Variants in FREM3 observed in about 807,000 individuals in gnomAD.
FREM3 encodes the protein FRAS1 related extracellular matrix 3, also known as FRAS1-related extracellular matrix protein 3.
A neutral mutation model predicts 129.1 loss-of-function variants in FREM3; 105 were observed. The observed-to-expected ratio is 0.81, with a 90% CI of 0.69 to 0.96. FREM3 has a LOEUF of 0.96. FREM3 is among the 40% of genes least tolerant of loss of function. The pLI, the probability that FREM3 is intolerant of heterozygous loss-of-function variation, is 0.00. For synonymous variants in FREM3, 1,014 were observed against 1,044.9 expected (o/e 0.97, Z 0.57); for missense variants, 2,593 against 2,666.3 (o/e 0.97, Z 0.61).
intron 2 of FREM3, among the ~76,000 whole-genome samples, chr4:143,678,635 A>T (rs1381967931): frequency 2.0e-5 from 3 of 152,140 alleles, no homozygotes; most frequent in African/African-American, 7.2e-5. Flanking sequence ...AGATTCAAAT[A>T]TCCAGGTTAA....
intron 2 of FREM3, among the ~76,000 whole-genome samples, chr4:143,671,595 T>A (rs918339161): frequency 6.6e-6 from 1 of 152,316 alleles, no homozygotes; most frequent in Admixed American, 6.5e-5. Context: ...GTACTAAAAT[T>A]CTCATTTTAT....
intron 2 of FREM3, among the ~76,000 whole-genome samples, chr4:143,645,540 G>T (rs1739398851): frequency 6.6e-6 from 1 of 152,152 alleles, no homozygotes; most frequent in South Asian, 2.1e-4. Flanking sequence ...AAAGACTAAG[G>T]TTTCCCCAGT....
intron 6 of FREM3, among the ~76,000 whole-genome samples, chr4:143,592,359 G>A (rs1738380272): frequency 6.6e-6 from 1 of 152,206 alleles, no homozygotes; most frequent in African/African-American, 2.4e-5. Flanking sequence ...AATTTGGCAT[G>A]TTTTTGCAGT....
intron 6 of FREM3, among the ~76,000 whole-genome samples, chr4:143,594,089 A>G (rs1738419239): frequency 6.6e-6 from 1 of 152,166 alleles, no homozygotes; most frequent in Admixed American, 6.5e-5. Flanking sequence ...GTGCAGTAGT[A>G]GGGTGGGAGT....
intron 2 of FREM3, among the ~76,000 whole-genome samples, chr4:143,646,267 A>G (rs1450486603): frequency 6.6e-6 from 1 of 152,258 alleles, no homozygotes; most frequent in Non-Finnish European, 1.5e-5. Flanking sequence ...ATTCATTCAA[A>G]GATCCTTCAG....
chr4:143,588,978 A>G (rs1738301124), intron 6 of FREM3, among the ~76,000 whole-genome samples: 1 of 151,692 alleles, frequency 6.6e-6, no homozygotes, highest in African/African-American at 2.4e-5. Context: ...TTTGATTTGC[A>G]TTTCTCTGAT....
In FREM3 at chr4:143,700,628, A is replaced by G. The variant is rs1490173427; in HGVS notation, c.48T>C (p.Leu16=). ...RHPTGTPRQL[L]VALACLLLSR... ...TCAAGAGCAGGCAGGCGAGCGCCACAAGGAGCTGCCGGGGCGTCCCAGTCG... is the reference window on the plus strand; with the variant it reads ...TCAAGAGCAGGCAGGCGAGCGCCACGAGGAGCTGCCGGGGCGTCCCAGTCG... Residue 16 remains leucine, a synonymous_variant, in exon 1 of 8, where the codon CTT becomes CTC. Coordinates refer to ENST00000329798, the MANE Select transcript of FREM3 (RefSeq NM_001168235.2). The G allele has an allele frequency of 2.1e-6, 3 of 1,443,746 alleles. No homozygotes were observed. Among genetic ancestry groups the G allele is most frequent in the South Asian group, 2.9e-5 (2 of 69,590 alleles). 89.4% of individuals were successfully genotyped at this position (1,443,746 alleles called of 1,614,324 possible). A position where few individuals can be genotyped will look rare whatever the true frequency, so the allele number is the denominator to read the frequency against.
chr4:143,635,650 A>G (rs1739221322), intron 2 of FREM3, among the ~76,000 whole-genome samples: 1 of 152,210 alleles, frequency 6.6e-6, no homozygotes, highest in African/African-American at 2.4e-5. Context: ...ATTTTACTGA[A>G]TCTGATACAA....
intron 2 of FREM3, among the ~76,000 whole-genome samples, chr4:143,643,874 C>A (rs1320609879): frequency 6.6e-6 from 1 of 152,064 alleles, no homozygotes; most frequent in Non-Finnish European, 1.5e-5. Flanking sequence ...CGGTAATTAC[C>A]TTGATTCGAT....
Position 143,585,931 on chromosome 4 carries a change from C to T in FREM3, c.6091G>A (p.Val2031Ile). 1.3e-6 allele frequency: 2 copies of T among 1,537,518 alleles called. No individual in the cohort carries two copies. Among genetic ancestry groups the T allele is most frequent in the Non-Finnish European group, 1.7e-6 (2 of 1,146,968 alleles). The change falls in exon 7 of 8, where the codon GTT (valine) becomes ATT (isoleucine). Residue 2031 changes from valine (V) to isoleucine (I), a missense_variant. Around this residue, in one of 2 missense-constraint regions of FREM3, gnomAD observed 317 missense variants for 399.0 expected, o/e 0.79. Transcript: ENST00000329798. The surrounding 1 kb of genome is among the most constrained non-coding windows in gnomAD (Gnocchi z 4.2). ...HVNESARYVEVCVWRRGTDLS... is the reference protein window; with the variant it reads ...HVNESARYVEICVWRRGTDLS... ...TCAGTGCCTCTTCTCCAAACACAAA[C>T]CTCCACGTAGCGAGCACTTTCATTG...
Position 143,698,691 on chromosome 4 carries a change from G to A in FREM3, c.1985C>T (p.Pro662Leu), listed in dbSNP as rs372508605. The change falls in exon 1 of 8, where the codon CCA becomes CTA. Residue 662 changes from proline (P) to leucine (L), a missense_variant. Pro to Leu is a moderately conservative substitution (Grantham distance 98). This residue lies in a region of FREM3 where 2,276 missense variants were observed against 2,267.2 expected (regional missense o/e 1.00). Coordinates refer to ENST00000329798, the MANE Select transcript of FREM3 (RefSeq NM_001168235.2). ...GACCATTACAGATTGAGGGCTGTGTGGTCCAAGATGGCGGTAGAAGAGTCT... is the reference window on the plus strand; with the variant it reads ...GACCATTACAGATTGAGGGCTGTGTAGTCCAAGATGGCGGTAGAAGAGTCT... ...EGRLFYRHLG[P>L]HSPQSVMVQL... 1.8e-5 allele frequency: 27 copies of A among 1,537,356 alleles called. No homozygotes were observed. In the African/African-American group the frequency reaches 3.4e-4, roughly 19 times the overall value.
In FREM3 at chr4:143,699,301, T is replaced by C. The variant is rs374329138; in HGVS notation, c.1375A>G (p.Ile459Val). 110 of 1,537,354 alleles carry C rather than the reference T, an allele frequency of 7.2e-5. No individual in the cohort carries two copies. The African/African-American group carries it at 1.2e-3, about 16-fold the overall frequency. The change falls in exon 1 of 8, where the codon ATC becomes GTC. Residue 459 changes from isoleucine (I) to valine (V), a missense_variant. Transcript: ENST00000329798. The surrounding 1 kb of genome is among the most constrained non-coding windows in gnomAD (Gnocchi z 4.2). ...RPLSSTHSIP[I>V]SDKDNLEEVK... ...TCTTCCAGGTTATCTTTATCACTGA[T>C]AGGAATGCTGTGGGTGCTGGACAAG...
intron 2 of FREM3, among the ~76,000 whole-genome samples, chr4:143,638,945 G>A (rs1057148421): frequency 3.3e-5 from 5 of 152,140 alleles, no homozygotes; most frequent in African/African-American, 9.7e-5. Flanking sequence ...AGTCGATCTT[G>A]TGATTGCTGT....
intron 6 of FREM3, among the ~76,000 whole-genome samples, chr4:143,589,572 A>C (rs1738316280): frequency 6.6e-6 from 1 of 152,074 alleles, no homozygotes; most frequent in Non-Finnish European, 1.5e-5. Context: ...ATTATTTCTG[A>C]GGGCTCTCTT....
intron 5 of FREM3, among the ~76,000 whole-genome samples, chr4:143,612,175 C>T (rs184758183): frequency 1.3e-5 from 2 of 152,218 alleles, no homozygotes; most frequent in African/African-American, 4.8e-5. Context: ...ATCATGTGAC[C>T]ACCACCACAA....
intron 2 of FREM3, among the ~76,000 whole-genome samples, chr4:143,637,112 A>G (rs1436430433): frequency 6.6e-6 from 1 of 152,216 alleles, no homozygotes; most frequent in Non-Finnish European, 1.5e-5. Flanking sequence ...TTTGGAAACA[A>G]TACCTTTACT....
chr4:143,662,462 A>C (rs1461113467), intron 2 of FREM3, among the ~76,000 whole-genome samples: 1 of 151,936 alleles, frequency 6.6e-6, no homozygotes, highest in East Asian at 1.9e-4. Context: ...ACAGTTTGTT[A>C]TAATTTCTGT....
At chr4:143,643,669 G>A (rs1203222288) in intron 2 of FREM3, among the ~76,000 whole-genome samples, 2 of 152,012 alleles carry the variant, frequency 1.3e-5, no homozygotes, top group Admixed American at 1.3e-4. Flanking sequence ...AGGGCAGTTG[G>A]GAGGGGAGGA....
chr4:143,635,126 G>C (rs1344171044), intron 2 of FREM3, among the ~76,000 whole-genome samples: 1 of 152,114 alleles, frequency 6.6e-6, no homozygotes, highest in African/African-American at 2.4e-5. Context: ...TTCAATGAGG[G>C]AGACACTGTA....
Sources: allele counts gnomAD v4.1 joint callset (sites outside exome capture counted in the v4.1 genomes callset), GRCh38; gene constraint gnomAD v4.1.1; regional missense constraint gnomAD v4.1.1; non-coding constraint Gnocchi (gnomAD v3.1); transcripts MANE v1.5; gene names NCBI Gene and HGNC (gene_info 2026-07-23, HGNC 2026-07-21).